TPSG1: variants seen among roughly 807,000 people sequenced by gnomAD.
The protein encoded by TPSG1 is tryptase gamma.
In TPSG1, 43 loss-of-function variants were observed where a neutral mutation model predicts 23.8. The ratio of observed to expected loss-of-function variants is 1.81; its 90% CI spans 1.42 to 2.33. The LOEUF (loss-of-function observed/expected upper bound fraction) is 2.33. Among genes scored for constraint, TPSG1 ranks in the 30% most tolerant of loss-of-function variants. TPSG1 has a pLI of 0.00. For missense variants in TPSG1, 623 were observed against 438.6 expected, an observed-to-expected ratio of 1.42 and a Z score of -3.75; for synonymous variants, 302 against 201.3, an observed-to-expected ratio of 1.50 and a Z score of -4.23.
intron 1 of TPSG1, 115 bp downstream of exon 1, chr16:1,225,092 G>A (rs2141424866): frequency 1.5e-6 from 2 of 1,342,932 alleles, no homozygotes; most frequent in Middle Eastern, 1.8e-4. Context: ...GGCCCCACAG[G>A]GTGGGGACTC....
In TPSG1 at chr16:1,222,296, A is replaced by G. The variant is rs1970535670; in HGVS notation, c.557T>C (p.Val186Ala). 3 of 1,610,542 alleles carry G rather than the reference A, an allele frequency of 1.9e-6. No individual in the cohort carries two copies. The highest frequency in any genetic ancestry group is 2.5e-6 in the Non-Finnish European group (3 of 1,179,094). Reference protein sequence around the residue: ...PYSLREVKVSVVDTETCRRDY... With the variant: ...PYSLREVKVSAVDTETCRRDY... ...CCGGCGGCAGGTCTCTGTGTCCACC[A>G]CGGAGACTTTCACCTCCCGCAGGCT... The change falls in exon 5 of 6, where the codon GTG (valine) becomes GCG (alanine). Residue 186 changes from valine to alanine, a missense_variant. Val to Ala is a moderately conservative substitution (Grantham distance 64, BLOSUM62 0). Coordinates refer to ENST00000234798, the MANE Select transcript of TPSG1 (RefSeq NM_012467.4).
intron 4 of TPSG1, 55 bp downstream of exon 4, chr16:1,222,597 T>C (rs1970548939): frequency 6.6e-7 from 1 of 1,515,004 alleles, no homozygotes; most frequent in Non-Finnish European, 8.8e-7. Context: ...AAGCCAGCTC[T>C]CTTCCTGCCG....
In TPSG1 at chr16:1,223,512, C is replaced by T. The variant is rs1330215013; in HGVS notation, c.156G>A (p.Gln52=). ...GCACCCTCCGCAGGCGGAGGCTGGC[C>T]TGCCATGGCCATGCGCCGGCCGGGG... The part of the protein sequence containing the change: ...HAAPAGAWPW[Q]ASLRLRRVHV... Residue 52 remains glutamine (Q), a synonymous_variant, in exon 3 of 6, where the codon CAG becomes CAA. Transcript: ENST00000234798. 2 of 1,563,224 alleles carry T rather than the reference C, an allele frequency of 1.3e-6. No homozygotes were observed. The highest frequency in any genetic ancestry group is 1.2e-5 in the South Asian group (1 of 85,328).
At chr16:1,222,619 C>T in intron 4 of TPSG1, 33 bp downstream of exon 4, 1 of 1,522,150 alleles carries the variant, frequency 6.6e-7, no homozygotes, top group South Asian at 1.3e-5. Flanking sequence ...CCTTGCCTTC[C>T]TCCATCCCAG....
intron 4 of TPSG1, 120 bp downstream of exon 4, chr16:1,222,532 G>T: frequency 1.4e-6 from 2 of 1,389,834 alleles, no homozygotes; most frequent in Admixed American, 4.5e-5. Flanking sequence ...CGATAGGGGC[G>T]GCCTTGGCTG....
intron 2 of TPSG1, chr16:1,223,894 A>G (rs1596487603): frequency 2.2e-6 from 1 of 447,406 alleles, no homozygotes; most frequent in Non-Finnish European, 3.9e-6. Context: ...AAAGGGGCTC[A>G]GAACGGTGGA....
chr16:1,223,451 C>T lies in TPSG1; in HGVS notation c.217G>A (p.Val73Met). 6.3e-7 allele frequency: 1 copy of T among 1,589,006 alleles called. No individual in the cohort carries two copies. Among genetic ancestry groups the T allele is most frequent in the Non-Finnish European group, 8.5e-7 (1 of 1,170,086 alleles). ...CGGSLLSPQWVLTAAHCFSGS... is the reference protein window; with the variant it reads ...CGGSLLSPQWMLTAAHCFSGS... ...GAGAAGCAGTGGGCAGCTGTGAGCA[C>T]CCACTGGGGGCTGAGCAGTGACCCG... Residue 73 changes from valine (V) to methionine (M), a missense_variant, in exon 3 of 6, where the codon GTG (valine) becomes ATG (methionine). Physicochemically the swap from Val to Met is conservative, Grantham distance 21. Coordinates refer to ENST00000234798, the MANE Select transcript of TPSG1 (RefSeq NM_012467.4).
chr16:1,225,099 A>G, intron 1 of TPSG1, 108 bp downstream of exon 1: 2 of 1,377,390 alleles, frequency 1.5e-6, no homozygotes, highest in Non-Finnish European at 2.0e-6. Context: ...CAGGGTGGGG[A>G]CTCAGCATGT....
chr16:1,223,652 C>T (rs940529280), intron 2 of TPSG1, 58 bp from the exon 3 acceptor site: 4 of 1,507,752 alleles, frequency 2.7e-6, no homozygotes, highest in Non-Finnish European at 2.6e-6. Flanking sequence ...ACTGCACTTC[C>T]TCCATGAAGC....
At position 1,222,753 on chromosome 16, in the gene TPSG1, A is replaced by C; in HGVS notation, c.410T>G (p.Leu137Arg). The change falls in exon 4 of 6, where the codon CTC (leucine) becomes CGC (arginine). Residue 137 changes from leucine to arginine, a missense_variant. Transcript: ENST00000234798. ...ALVELSVPVTLSSRILPVCLP... is the reference protein window; with the variant it reads ...ALVELSVPVTRSSRILPVCLP... Reference sequence around the variant, plus strand: ...GCAGACGGGCAGGATCCGGCTGGAGAGGGTCACGGGGACACTGAGCTCCAC... The same window carrying C: ...GCAGACGGGCAGGATCCGGCTGGAGCGGGTCACGGGGACACTGAGCTCCAC... The C allele has an allele frequency of 6.2e-7, 1 of 1,611,914 alleles. No homozygotes were observed. Among genetic ancestry groups the C allele is most frequent in the Non-Finnish European group, 8.5e-7 (1 of 1,179,390 alleles).
Position 1,222,028 on chromosome 16 carries a change from C to A in TPSG1, c.726G>T (p.Trp242Cys), listed in dbSNP as rs551902061. The A allele has an allele frequency of 1.2e-6, 2 of 1,612,762 alleles. No homozygotes were observed. Among genetic ancestry groups the A allele is most frequent in the African/African-American group, 1.3e-5 (1 of 75,036 alleles). The change falls in exon 6 of 6, where the codon TGG (tryptophan) becomes TGT (cysteine). Residue 242 changes from tryptophan to cysteine, a missense_variant. By Grantham distance (215) the Trp-to-Cys change is radical. Coordinates refer to ENST00000234798, the MANE Select transcript of TPSG1 (RefSeq NM_012467.4). ...GAWVQAGTVS[W>C]GEGCGRPNRP... ...TGTTGGGGCGGCCGCAGCCCTCACC[C>A]CAGCTCACAGTGCCAGCCTGCACCC...
intron 2 of TPSG1, 91 bp from the exon 3 acceptor site, chr16:1,223,685 C>A: frequency 7.0e-7 from 1 of 1,426,160 alleles, no homozygotes. Context: ...CACCTCCCTG[C>A]CTTCTTGGGG....
Position 1,223,545 on chromosome 16 carries a change from A to AT in TPSG1, c.122_123insA (p.His42SerfsTer111), listed in dbSNP as rs1555522259. 6.5e-7 allele frequency: 1 copy of AT among 1,545,458 alleles called. No individual in the cohort carries two copies. Among genetic ancestry groups the AT allele is most frequent in the Non-Finnish European group, 8.7e-7 (1 of 1,148,120 alleles). On this transcript the variant is annotated frameshift_variant, in exon 3 of 6. Coordinates refer to ENST00000234798, the MANE Select transcript of TPSG1 (RefSeq NM_012467.4). LOFTEE classifies it high-confidence loss of function. ...GCCATGCGCCGGCCGGGGCAGCGTGACCCCCCACGATCCGGCCGCCTGCAT... is the reference window on the plus strand; with the variant it reads ...GCCATGCGCCGGCCGGGGCAGCGTGATCCCCCCACGATCCGGCCGCCTGCAT...
Position 1,223,568 on chromosome 16 carries a change from C to T in TPSG1, c.100G>A (p.Ala34Thr). Residue 34 changes from alanine (A) to threonine (T), a missense_variant, in exon 3 of 6, where the codon GCA (alanine) becomes ACA (threonine). Ala to Thr is a moderately conservative substitution (Grantham distance 58). Transcript: ENST00000234798. ...TGACCCCCCACGATCCGGCCGCCTG[C>T]ATCCGAAACCTGCGGCCGGCCACAC... The part of the protein sequence containing the change: ...PGCGRPQVSD[A>T]GGRIVGGHAA... 1.9e-6 allele frequency: 3 copies of T among 1,543,760 alleles called. No individual in the cohort carries two copies. Among genetic ancestry groups the T allele is most frequent in the Non-Finnish European group, 2.6e-6 (3 of 1,146,870 alleles).
intron 2 of TPSG1, 160 bp from the exon 3 acceptor site, chr16:1,223,754 C>A: frequency 2.3e-6 from 2 of 858,136 alleles, no homozygotes; most frequent in South Asian, 1.8e-5. Context: ...GTGGGTGCAG[C>A]AGAAATGACG....
Sources: allele counts gnomAD v4.1 joint callset, GRCh38; gene constraint gnomAD v4.1.1; transcripts MANE v1.5; gene names NCBI Gene and HGNC (gene_info 2026-07-23, HGNC 2026-07-21).